Variants in SNX29 observed in about 807,000 individuals in gnomAD.
The protein encoded by SNX29 is sorting nexin 29, also known as sorting nexin-29.
In SNX29, 78 loss-of-function variants were observed where a neutral mutation model predicts 102.1. The ratio of observed to expected loss-of-function variants is 0.76; its 90% confidence interval spans 0.64 to 0.92. The LOEUF (loss-of-function observed/expected upper bound fraction) is 0.92, where lower values mean the gene tolerates loss of function less well. SNX29 is among the 40% of genes least tolerant of loss of function. SNX29 has a pLI of 0.00. For missense variants in SNX29, 1,280 were observed against 1,061.7 expected (o/e 1.21, Z -2.86); for synonymous variants, 580 against 414.5 (o/e 1.40, Z -4.85).
At chr16:12,021,261 A>G (rs1217803923) in intron 3 of SNX29, among the ~76,000 whole-genome samples, 1 of 151,622 alleles carries the variant, frequency 6.6e-6, no homozygotes, top group African/African-American at 2.4e-5. Context: ...CCATCTCTAC[A>G]AAAAATATAA....
intron 18 of SNX29, among the ~76,000 whole-genome samples, chr16:12,425,384 G>A (rs1160944068): frequency 6.6e-6 from 1 of 151,954 alleles, no homozygotes. Flanking sequence ...TGAGGCCTCT[G>A]GTCTCTGGAT....
At chr16:12,359,180 A>T (rs1026997651) in intron 16 of SNX29, among the ~76,000 whole-genome samples, 2 of 152,180 alleles carry the variant, frequency 1.3e-5, no homozygotes, top group African/African-American at 4.8e-5. Context: ...GATGTGTCAG[A>T]ATTGAATCAG....
chr16:12,554,888 A>G (rs958899649), intron 20 of SNX29, among the ~76,000 whole-genome samples: 8 of 152,132 alleles, frequency 5.3e-5, no homozygotes, highest in South Asian at 2.1e-4. Context: ...TCAGCATGCC[A>G]TACAGGACAG....
chr16:12,270,826 G>T (rs2079069911), intron 14 of SNX29, among the ~76,000 whole-genome samples: 1 of 151,994 alleles, frequency 6.6e-6, no homozygotes, highest in Non-Finnish European at 1.5e-5. Flanking sequence ...TAGATCGCCT[G>T]CGGTCAGGCA....
At chr16:12,543,946 A>AGAG (rs1226922315) in intron 20 of SNX29, among the ~76,000 whole-genome samples, 15 of 152,194 alleles carry the variant, frequency 9.9e-5, no homozygotes. Flanking sequence ...GTTCTAAGCG[A>AGAG]GGAGCCTATC....
chr16:12,257,730 A>C (rs921558550), intron 14 of SNX29, among the ~76,000 whole-genome samples: 3 of 145,064 alleles, frequency 2.1e-5, no homozygotes, highest in African/African-American at 7.7e-5. Context: ...GTTTCTCTGC[A>C]TTGCCTAGGC....
intron 18 of SNX29, among the ~76,000 whole-genome samples, chr16:12,409,937 A>G (rs901386996): frequency 2.6e-5 from 4 of 152,296 alleles, no homozygotes; most frequent in South Asian, 4.2e-4. Context: ...AGAACCGATT[A>G]GATCTTCTTT....
rs1036919719 is a variant in SNX29, at chr16:12,571,779, C to G, written c.*3150C>G. On this transcript the variant is annotated 3_prime_UTR_variant, in exon 21 of 21. Coordinates refer to ENST00000566228, the MANE Select transcript of SNX29 (RefSeq NM_032167.5). ...CTCCTGATCTGAGACAGAACCTTCTCCGCCACTCTTCCTGCAATCAGTGTG... is the reference window on the plus strand; with the variant it reads ...CTCCTGATCTGAGACAGAACCTTCTGCGCCACTCTTCCTGCAATCAGTGTG... 23 of 1,009,816 alleles carry G rather than the reference C, an allele frequency of 2.3e-5. No homozygotes were observed. In the African/African-American group the frequency reaches 3.5e-4, roughly 15 times the overall value. 62.6% of individuals were successfully genotyped at this position (1,009,816 alleles called of 1,614,324 possible).
chr16:12,480,159 A>G (rs1156338947), intron 19 of SNX29, among the ~76,000 whole-genome samples: 1 of 152,212 alleles, frequency 6.6e-6, no homozygotes, highest in East Asian at 1.9e-4. Flanking sequence ...TACTGCTGTC[A>G]CAAATCCCCA....
intron 13 of SNX29, among the ~76,000 whole-genome samples, chr16:12,165,418 T>C (rs908164049): frequency 1.3e-5 from 2 of 152,218 alleles, no homozygotes; most frequent in Non-Finnish European, 2.9e-5. Flanking sequence ...AAGTCACTTA[T>C]GCCTAAGAAA....
intron 18 of SNX29, among the ~76,000 whole-genome samples, chr16:12,406,124 T>A (rs1220832988): frequency 6.6e-6 from 1 of 151,510 alleles, no homozygotes; most frequent in Admixed American, 6.6e-5. Context: ...AAAGAGAGGT[T>A]AAAAAAAATA....
At chr16:12,475,702 G>A (rs545540513) in intron 18 of SNX29, among the ~76,000 whole-genome samples, 41 of 152,326 alleles carry the variant, frequency 2.7e-4, no homozygotes, top group African/African-American at 9.4e-4. Context: ...CTCATGTAAA[G>A]TATCATACTG....
rs192773024 is a variant in SNX29, at chr16:12,531,230, C to G, written c.2318+6389C>G. ...AGGGAGCCCCAAGTCATCCCCTGTG[C>G]CTGGAGAACAGGGCACTTGGCCCTA... is the stretch of plus-strand genomic sequence containing the variant. On this transcript the variant is annotated intron_variant, in intron 20 of 20. Transcript: ENST00000566228. 4.0e-3 allele frequency among the ~76,000 whole-genome samples: 604 copies of G among 152,320 alleles called. 3 individuals carry two copies. Among genetic ancestry groups the G allele is most frequent in the African/African-American group, 0.014 (564 of 41,574 alleles).
At chr16:12,063,657 G>C (rs2050888469) in intron 9 of SNX29, among the ~76,000 whole-genome samples, 1 of 152,086 alleles carries the variant, frequency 6.6e-6, no homozygotes, top group South Asian at 2.1e-4. Context: ...GGGATTATAG[G>C]CATGAGCCAC....
chr16:12,065,414 C>A (rs557277351), intron 9 of SNX29, among the ~76,000 whole-genome samples: 1 of 152,136 alleles, frequency 6.6e-6, no homozygotes, highest in Non-Finnish European at 1.5e-5. Context: ...ACTGCTCATC[C>A]CTTCATTGAG....
rs553255152 is a variant in SNX29 at position 12,528,765 on chromosome 16, A to T, written c.2318+3924A>T. On this transcript the variant is annotated intron_variant, in intron 20 of 20. Coordinates refer to ENST00000566228, the MANE Select transcript of SNX29 (RefSeq NM_032167.5). ...ATTTGAATCTGTGGACATCCACGTT[A>T]CTCATGATGCATTCGGTTTGCACAC... Among the ~76,000 whole-genome samples, 160 of 152,192 alleles carry T rather than the reference A, an allele frequency of 1.1e-3. 4 individuals carry two copies. The highest frequency in any genetic ancestry group is 6.8e-3 in the Middle Eastern group (2 of 294).
At chr16:12,547,439 G>A (rs760692610) in intron 20 of SNX29, among the ~76,000 whole-genome samples, 1 of 152,160 alleles carries the variant, frequency 6.6e-6, no homozygotes, top group African/African-American at 2.4e-5. Context: ...CGGGGAGAGG[G>A]GATGGTGCCT....
chr16:12,239,187 G>A (rs1253700917), intron 14 of SNX29, among the ~76,000 whole-genome samples: 19 of 152,212 alleles, frequency 1.2e-4, no homozygotes, highest in Admixed American at 1.2e-3. Context: ...TGGATGCCAG[G>A]CAATCTGTCC....
At chr16:12,564,934 TAAAAAAAAAAA>T (rs6145751) in intron 20 of SNX29, among the ~76,000 whole-genome samples, 3 of 144,936 alleles carry the variant, frequency 2.1e-5, no homozygotes, top group Admixed American at 6.9e-5. Context: ...ACCTTGGTGT[TAAAAAAAAAAA>T]AAAAAAGGCT....
Sources: gnomAD v4.1 joint callset for allele counts (sites outside exome capture counted in the v4.1 genomes callset) on GRCh38, gnomAD v4.1.1 for gene constraint, MANE v1.5 for transcripts, NCBI Gene and HGNC (gene_info 2026-07-23, HGNC 2026-07-21) for gene names.